ZCCHC7: variants seen among roughly 807,000 people sequenced by gnomAD.
The protein encoded by ZCCHC7 is zinc finger CCHC domain-containing protein 7.
In ZCCHC7, 35 loss-of-function variants were observed where a neutral mutation model predicts 52.0. That is an observed-to-expected ratio of 0.67 (90% CI 0.51 to 0.89). ZCCHC7 has a LOEUF of 0.89. ZCCHC7 is among the 40% of genes least tolerant of loss of function. The probability of loss-of-function intolerance (pLI) is 0.00; values close to 1 mark genes in which losing one functional copy is unlikely to be tolerated. For synonymous variants in ZCCHC7, 217 were observed against 221.5 expected (o/e 0.98, Z 0.18); for missense variants, 574 against 649.1 (o/e 0.88, Z 1.26).
At chr9:37,215,595 A>G (rs534914436) in intron 2 of ZCCHC7, among the ~76,000 whole-genome samples, 11 of 152,322 alleles carry the variant, frequency 7.2e-5, no homozygotes. Context: ...GGTCTGCTTT[A>G]TTCAAAAAGG....
chr9:37,329,392 T>G (rs1176204393), intron 6 of ZCCHC7, among the ~76,000 whole-genome samples: 2 of 151,768 alleles, frequency 1.3e-5, no homozygotes, highest in Admixed American at 1.3e-4. Flanking sequence ...TAGGAAAAAA[T>G]AATACAAAAT....
At chr9:37,198,535 C>CT (rs1325842559) in intron 2 of ZCCHC7, among the ~76,000 whole-genome samples, 1 of 152,204 alleles carries the variant, frequency 6.6e-6, no homozygotes, top group Admixed American at 6.5e-5. Flanking sequence ...GCTCACCCGT[C>CT]TGTCTATTTT....
chr9:37,308,823 A>C (rs1228672410), intron 5 of ZCCHC7, among the ~76,000 whole-genome samples: 1 of 151,898 alleles, frequency 6.6e-6, no homozygotes. Context: ...TTTACTAAAA[A>C]TACAAAAATT....
At chr9:37,302,071 C>A in intron 2 of ZCCHC7, 117 bp from the exon 3 acceptor site, 1 of 807,914 alleles carries the variant, frequency 1.2e-6, no homozygotes, top group Non-Finnish European at 2.1e-6. Context: ...AGGTATTCAA[C>A]ATTTCTCAGT....
intron 5 of ZCCHC7, among the ~76,000 whole-genome samples, chr9:37,307,497 C>T (rs995591553): frequency 6.6e-6 from 1 of 152,124 alleles, no homozygotes. Flanking sequence ...GGGTGTCTCT[C>T]ATTCTCTTTT....
intron 2 of ZCCHC7, among the ~76,000 whole-genome samples, chr9:37,202,004 T>C (rs535864063): frequency 5.7e-4 from 87 of 152,216 alleles, no homozygotes; most frequent in Non-Finnish European, 1.1e-3. Context: ...AGAGCTTCTA[T>C]TCACAAGTGT....
intron 2 of ZCCHC7, among the ~76,000 whole-genome samples, chr9:37,179,822 G>A (rs568375419): frequency 6.6e-6 from 1 of 152,248 alleles, no homozygotes; most frequent in African/African-American, 2.4e-5. Context: ...ATGCATATGA[G>A]AAAAATTTTA....
At chr9:37,250,557 C>T (rs1173771892) in intron 2 of ZCCHC7, among the ~76,000 whole-genome samples, 1 of 152,140 alleles carries the variant, frequency 6.6e-6, no homozygotes, top group Non-Finnish European at 1.5e-5. Context: ...CTGCCTCTGC[C>T]TCCTGAAGTA....
At chr9:37,350,587 A>G (rs565865231) in intron 7 of ZCCHC7, among the ~76,000 whole-genome samples, 1 of 152,280 alleles carries the variant, frequency 6.6e-6, no homozygotes, top group Non-Finnish European at 1.5e-5. Context: ...CAGATTCCCT[A>G]TCCAGCCAAC....
chr9:37,308,980 C>CAA lies in ZCCHC7; in HGVS notation c.951+3282_951+3283dup, dbSNP rs56871245. Among the ~76,000 whole-genome samples, 49 of 107,292 alleles carry CAA rather than the reference C, an allele frequency of 4.6e-4. 2 individuals are homozygous for CAA. The highest frequency in any genetic ancestry group is 1.4e-3 in the African/African-American group (44 of 32,306). 70.4% of individuals were successfully genotyped at this position (107,292 alleles called of 152,430 possible). ...TGGCAACAGAGTGAAAGTCTGTATC[C>CAA]AAAAAAAAAAAAAAAAACAGCCTGG... is the stretch of plus-strand genomic sequence containing the variant. On this transcript the variant is annotated intron_variant, in intron 5 of 8. Transcript: ENST00000336755.
At chr9:37,260,137 C>T (rs941649120) in intron 2 of ZCCHC7, among the ~76,000 whole-genome samples, 4 of 152,206 alleles carry the variant, frequency 2.6e-5, no homozygotes, top group African/African-American at 9.7e-5. Flanking sequence ...CCAACACTTC[C>T]TGTCCTGGTC....
chr9:37,196,464 T>A (rs1186475332), intron 2 of ZCCHC7, among the ~76,000 whole-genome samples: 2 of 152,172 alleles, frequency 1.3e-5, no homozygotes, highest in African/African-American at 2.4e-5. Context: ...ATATTTTAAA[T>A]GGAAGGAGAC....
chr9:37,238,027 A>C (rs1018123205), intron 2 of ZCCHC7, among the ~76,000 whole-genome samples: 8 of 152,114 alleles, frequency 5.3e-5, no homozygotes, highest in South Asian at 4.1e-4. Flanking sequence ...AATCTCACCT[A>C]TTTAGCTTTC....
intron 2 of ZCCHC7, among the ~76,000 whole-genome samples, chr9:37,203,935 G>A (rs1379409147): frequency 6.6e-6 from 1 of 152,146 alleles, no homozygotes; most frequent in Non-Finnish European, 1.5e-5. Flanking sequence ...CAATATAAAA[G>A]CATTTGTATT....
intron 2 of ZCCHC7, among the ~76,000 whole-genome samples, chr9:37,191,022 C>CA (rs1225816158): frequency 0.023 from 2,447 of 105,636 alleles, 57 homozygotes; most frequent in African/African-American, 0.063. Flanking sequence ...AACTCCGTCT[C>CA]AAAAAAAAAA....
At chr9:37,273,418 G>A (rs773701591) in intron 2 of ZCCHC7, among the ~76,000 whole-genome samples, 2 of 152,200 alleles carry the variant, frequency 1.3e-5, no homozygotes, top group Admixed American at 6.5e-5. Flanking sequence ...CAGGAGAATG[G>A]CGTGAACCTG....
chr9:37,351,347 C>T (rs777836315), intron 7 of ZCCHC7, among the ~76,000 whole-genome samples: 1 of 152,066 alleles, frequency 6.6e-6, no homozygotes, highest in African/African-American at 2.4e-5. Flanking sequence ...TTTTGAGACA[C>T]GGTACAGAGT....
At chr9:37,199,986 G>A (rs1038122780) in intron 2 of ZCCHC7, among the ~76,000 whole-genome samples, 14 of 152,300 alleles carry the variant, frequency 9.2e-5, no homozygotes, top group African/African-American at 2.6e-4. Flanking sequence ...GATTACAGGC[G>A]TGAGCCACTG....
Position 37,126,339 on chromosome 9 carries a change from T to A in ZCCHC7, c.7T>A (p.Phe3Ile). 1 of 1,609,586 alleles carries A rather than the reference T, an allele frequency of 6.2e-7. No homozygotes were observed. The highest frequency in any genetic ancestry group is 8.5e-7 in the Non-Finnish European group (1 of 1,177,762). Residue 3 changes from phenylalanine to isoleucine, a missense_variant, in exon 2 of 9, where the codon TTT becomes ATT. Coordinates refer to ENST00000336755, the MANE Select transcript of ZCCHC7 (RefSeq NM_032226.3). MMFGGYETIEAYE... is the reference protein window; with the variant it reads MMIGGYETIEAYE... ...TCAAGGTTACTGACTTTTTATGATG[T>A]TTGGTGGCTATGAGACTATAGAAGC...
Sources: allele counts gnomAD v4.1 joint callset (sites outside exome capture counted in the v4.1 genomes callset), GRCh38; gene constraint gnomAD v4.1.1; transcripts MANE v1.5; gene names NCBI Gene and HGNC (gene_info 2026-07-23, HGNC 2026-07-21).